The following MGAT5B variants were observed in gnomAD, a reference collection of about 807,000 sequenced individuals.
MGAT5B encodes N-acetylglucosaminyl-transferase Vb.
In MGAT5B, 54 loss-of-function variants were observed where a neutral mutation model predicts 95.1. That is an observed-to-expected ratio of 0.57 (90% confidence interval 0.46 to 0.71). MGAT5B has a LOEUF of 0.71. MGAT5B is among the 30% of genes least tolerant of loss of function. MGAT5B has a pLI of 0.00. For missense variants in MGAT5B, 935 were observed against 1,088.6 expected (o/e 0.86, Z 1.99); for synonymous variants, 464 against 451.0 (o/e 1.03, Z -0.36).
intron 3 of MGAT5B, among the ~76,000 whole-genome samples, chr17:76,898,659 A>C (rs916237360): frequency 3.9e-5 from 6 of 152,128 alleles, no homozygotes; most frequent in African/African-American, 1.4e-4. Context: ...AGATTCGTCT[A>C]TGTCATTGCA....
chr17:76,942,934 A>T (rs1156922606), intron 15 of MGAT5B, among the ~76,000 whole-genome samples: 1 of 152,030 alleles, frequency 6.6e-6, no homozygotes, highest in Non-Finnish European at 1.5e-5. Flanking sequence ...GGGGAGGGGG[A>T]CTACATAGAC....
Position 76,868,982 on chromosome 17 carries a change from G to T in MGAT5B, c.-48G>T, listed in dbSNP as rs779289738. 13 of 1,581,936 alleles carry T rather than the reference G, an allele frequency of 8.2e-6. No homozygotes were observed. Among genetic ancestry groups the T allele is most frequent in the African/African-American group, 1.3e-5 (1 of 74,326 alleles). ...ACGCGGCGAGAGCTGGGCCCAGGAC[G>T]GTGCGTCCGGCCTCGCCCGCGGCTG... is the stretch of plus-strand genomic sequence containing the variant. On this transcript the variant is annotated 5_prime_UTR_variant, in exon 1 of 18. Coordinates refer to ENST00000569840, the MANE Select transcript of MGAT5B (RefSeq NM_001199172.2). The surrounding 1 kb of genome is among the most constrained non-coding windows in gnomAD (Gnocchi z 6.3).
chr17:76,932,093 C>T (rs1030049055), intron 10 of MGAT5B, among the ~76,000 whole-genome samples: 1 of 137,728 alleles, frequency 7.3e-6, no homozygotes, highest in African/African-American at 2.7e-5. Context: ...CCTCCCCCCC[C>T]CCTTCTTCGT....
At chr17:76,923,651 A>T (rs1200847533) in intron 8 of MGAT5B, among the ~76,000 whole-genome samples, 1 of 152,098 alleles carries the variant, frequency 6.6e-6, no homozygotes, top group East Asian at 1.9e-4. Context: ...CGCTGATCAG[A>T]TCTCTGCTCC....
chr17:76,920,916 A>G (rs1598966335), intron 8 of MGAT5B, among the ~76,000 whole-genome samples: 1 of 152,216 alleles, frequency 6.6e-6, no homozygotes, highest in South Asian at 2.1e-4. Flanking sequence ...GTATAGCTTC[A>G]TAAATACAGC....
chr17:76,877,963 C>A (rs765862999), intron 2 of MGAT5B, among the ~76,000 whole-genome samples: 1 of 152,102 alleles, frequency 6.6e-6, no homozygotes, highest in Non-Finnish European at 1.5e-5. Flanking sequence ...AGCGTCCCAG[C>A]TTTCCTTATT....
intron 12 of MGAT5B, among the ~76,000 whole-genome samples, chr17:76,937,308 G>A (rs1415641071): frequency 1.3e-5 from 2 of 152,148 alleles, no homozygotes; most frequent in African/African-American, 4.8e-5. Context: ...GAAGGGATGG[G>A]CAGATAAGAT....
Position 76,924,907 on chromosome 17 carries a change from G to C in MGAT5B, c.1026-59G>C, listed in dbSNP as rs1476717834. On this transcript the variant is annotated intron_variant, in intron 8 of 17. Transcript: ENST00000569840. ...TCATTCTGGGCTCTAAGGAACTGGG[G>C]TGGCCGGTTGGGCAGGTGGGTTTCT... 19 of 1,600,542 alleles carry C rather than the reference G, an allele frequency of 1.2e-5. No homozygotes were observed. In the East Asian group the frequency reaches 1.8e-4, roughly 15 times the overall value.
intron 11 of MGAT5B, among the ~76,000 whole-genome samples, 154 bp from the exon 12 acceptor site, chr17:76,933,138 G>A (rs563638118): frequency 5.3e-4 from 81 of 152,324 alleles, no homozygotes; most frequent in African/African-American, 1.8e-3. Flanking sequence ...GAGATTAGAG[G>A]CAGAGAGAAG....
chr17:76,913,710 G>C (rs770017122), intron 8 of MGAT5B: 2 of 510,406 alleles, frequency 3.9e-6, no homozygotes, highest in South Asian at 2.9e-5. Flanking sequence ...GCCAGATGTG[G>C]AGTCATGGGT....
intron 10 of MGAT5B, among the ~76,000 whole-genome samples, chr17:76,927,389 G>GCC (rs1156296340): frequency 6.6e-6 from 1 of 152,074 alleles, no homozygotes; most frequent in Non-Finnish European, 1.5e-5. Context: ...ACAGGCATCT[G>GCC]CCCCCATGCC....
rs765506580 is a variant in MGAT5B, at chr17:76,902,607, G to A, written c.382G>A (p.Val128Ile). The A allele has an allele frequency of 1.6e-5, 26 of 1,604,044 alleles. No homozygotes were observed. The East Asian group carries it at 2.0e-4, about 12-fold the overall frequency. The change falls in exon 4 of 18, where the codon GTC (valine) becomes ATC (isoleucine). Residue 128 changes from valine (V) to isoleucine (I), a missense_variant. Transcript: ENST00000569840. ...GCGGATCCAGGCTATTGCCCAGAAC[G>A]TCTCCGACATCGCTGTGAAGGTGGA... ...MERIQAIAQN[V>I]SDIAVKVDQI... is the part of the protein sequence containing the mutation.
intron 15 of MGAT5B, among the ~76,000 whole-genome samples, chr17:76,942,649 A>C (rs1029175892): frequency 1.3e-5 from 2 of 152,238 alleles, no homozygotes; most frequent in African/African-American, 4.8e-5. Context: ...AGTGCCAGGA[A>C]GGAGGCCTTA....
chr17:76,929,130 T>C (rs1398096347), intron 10 of MGAT5B, among the ~76,000 whole-genome samples: 2 of 152,206 alleles, frequency 1.3e-5, no homozygotes, highest in Non-Finnish European at 2.9e-5. Flanking sequence ...TCTCCCAAAG[T>C]GCTGGGATTC....
chr17:76,877,893 G>A (rs1967251866), intron 2 of MGAT5B, among the ~76,000 whole-genome samples: 1 of 151,764 alleles, frequency 6.6e-6, no homozygotes, highest in Admixed American at 6.6e-5. Flanking sequence ...GAGGAGACGG[G>A]GCCTCGGTGG....
chr17:76,872,916 T>C lies in MGAT5B; in HGVS notation c.134T>C (p.Phe45Ser). The C allele has an allele frequency of 6.2e-7, 1 of 1,614,154 alleles. No homozygotes were observed. Among genetic ancestry groups the C allele is most frequent in the Non-Finnish European group, 8.5e-7 (1 of 1,180,046 alleles). ...CTGATGACGTCTCTGGGAGGCCAGT[T>C]CTCGGCCCGGCGCCTGGGGGACTCG... ...CFLMTSLGGQ[F>S]SARRLGDSPF... The change falls in exon 2 of 18, where the codon TTC becomes TCC. Residue 45 changes from phenylalanine to serine, a missense_variant. Around this residue, in one of 4 missense-constraint regions of MGAT5B, gnomAD observed 243 missense variants for 228.2 expected, o/e 1.06. Coordinates refer to ENST00000569840, the MANE Select transcript of MGAT5B (RefSeq NM_001199172.2).
rs1969016747 is a variant in MGAT5B at position 76,918,379 on chromosome 17, G to C, written c.1026-6587G>C. Among the ~76,000 whole-genome samples the C allele has an allele frequency of 6.6e-6, 1 of 152,166 alleles. No individual in the cohort carries two copies. Among genetic ancestry groups the C allele is most frequent in the Non-Finnish European group, 1.5e-5 (1 of 68,024 alleles). On this transcript the variant is annotated intron_variant, in intron 8 of 17. Transcript: ENST00000569840. This position sits in a 1 kb window ranked among gnomAD's most constrained non-coding sequence, Gnocchi z 5.1. ...CCTCGAGGGCACAGGGTACATGCTG[G>C]GGATGCTCAAGGGCATCGCCTTTTC...
At chr17:76,934,764 G>T (rs1388506845) in intron 12 of MGAT5B, among the ~76,000 whole-genome samples, 1 of 152,234 alleles carries the variant, frequency 6.6e-6, no homozygotes, top group Non-Finnish European at 1.5e-5. Context: ...ATCCTGTTCA[G>T]CTAGAGACCT....
At chr17:76,884,480 G>A (rs2145140616) in intron 3 of MGAT5B, among the ~76,000 whole-genome samples, 1 of 152,248 alleles carries the variant, frequency 6.6e-6, no homozygotes, top group Non-Finnish European at 1.5e-5. Context: ...GCCCAGGCTG[G>A]AGACCAGCAG....
Sources: gnomAD v4.1 joint callset for allele counts (sites outside exome capture counted in the v4.1 genomes callset) on GRCh38, gnomAD v4.1.1 for gene constraint, gnomAD v4.1.1 regional missense constraint, Gnocchi (gnomAD v3.1) non-coding constraint, MANE v1.5 for transcripts, NCBI Gene and HGNC (gene_info 2026-07-23, HGNC 2026-07-21) for gene names.